PLIN1: variants seen among roughly 807,000 people sequenced by gnomAD.
PLIN1 encodes the protein perilipin 1, also known as perilipin-1.
Under a neutral mutation model 45.8 loss-of-function variants are expected in PLIN1, and 37 were observed. The observed-to-expected ratio is 0.81, with a 90% confidence interval of 0.62 to 1.06. PLIN1 has a LOEUF of 1.06. PLIN1 is among the 50% of genes least tolerant of loss of function. The pLI is 0.00. For missense variants in PLIN1, 776 were observed against 716.5 expected, an observed-to-expected ratio of 1.08 and a Z score of -0.95; for synonymous variants, 340 against 309.2, an observed-to-expected ratio of 1.10 and a Z score of -1.05.
In PLIN1 at chr15:89,667,911, C is replaced by T. The variant is rs570816249; in HGVS notation, c.772-118G>A. The T allele has an allele frequency of 2.0e-3, 2,872 of 1,464,594 alleles. 5 individuals carry two copies. Among genetic ancestry groups the T allele is most frequent in the Non-Finnish European group, 2.4e-3 (2,660 of 1,107,496 alleles). 90.7% of individuals were successfully genotyped at this position (1,464,594 alleles called of 1,614,324 possible). On this transcript the variant is annotated intron_variant, in intron 6 of 8. Transcript: ENST00000300055. The stretch of plus-strand genomic sequence containing the variant: ...GGCCAGGTGGTGAGCAGGGCTCAGC[C>T]CCAGCAGACTTTTCTGGAAACTTTT...
chr15:89,669,980 C>A lies in PLIN1; in HGVS notation c.598G>T (p.Ala200Ser), dbSNP rs1964411978. 3 of 1,610,250 alleles carry A rather than the reference C, an allele frequency of 1.9e-6. No homozygotes were observed. The highest frequency in any genetic ancestry group is 2.2e-5 in the East Asian group (1 of 44,806). ...GGCCGAGCCTCCGAATGGCAGGTAC[C>A]TGACTCTTCCTTGTCTGGAGGGAGG... ...YLLPPDKEES[A>S]PAPGHQQAQK... Residue 200 changes from alanine to serine, a missense_variant and splice_region_variant, in exon 5 of 9, where the codon GCC becomes TCC. Transcript: ENST00000300055.
At chr15:89,677,777 T>C (rs12906281) in intron 1 of PLIN1, 2 of 425,304 alleles carry the variant, frequency 4.7e-6, no homozygotes. Context: ...TTGAGATGGA[T>C]TCTTGCTCTG....
intron 1 of PLIN1, among the ~76,000 whole-genome samples, chr15:89,678,225 A>C (rs1964548740): frequency 6.6e-6 from 1 of 151,854 alleles, no homozygotes; most frequent in South Asian, 2.1e-4. Flanking sequence ...GTTCAGGTTA[A>C]GAGGCCAGGC....
Position 89,670,246 on chromosome 15 carries a change from TG to T in PLIN1, c.334-3del. 3 of 1,609,244 alleles carry T rather than the reference TG, an allele frequency of 1.9e-6. No homozygotes were observed. The highest frequency in any genetic ancestry group is 1.7e-4 in the Middle Eastern group (1 of 6,048). The stretch of plus-strand genomic sequence containing the variant: ...GGTGTCCTTCAGCTCAGAAGCAATC[TG>T]GGGGAAGTTGGTGGGGGTGTTAGGC... On this transcript the variant is annotated splice_polypyrimidine_tract_variant and splice_region_variant and intron_variant, in intron 4 of 8. Transcript: ENST00000300055.
rs143954379 is a variant in PLIN1 at position 89,670,164 on chromosome 15, A to G, written c.414T>C (p.Thr138=). ...AAGCGGCCCCCAGGACCTTGTCTGAAGTGCTCGCGATGGGAACGCTGATGC... is the reference window on the plus strand; with the variant it reads ...AAGCGGCCCCCAGGACCTTGTCTGAGGTGCTCGCGATGGGAACGCTGATGC... ...RNSISVPIAS[T]SDKVLGAALA... The change falls in exon 5 of 9, where the codon ACT becomes ACC. Residue 138 remains threonine, a synonymous_variant. Coordinates refer to ENST00000300055, the MANE Select transcript of PLIN1 (RefSeq NM_002666.5). 1.2e-6 allele frequency: 2 copies of G among 1,613,972 alleles called. No homozygotes were observed. The highest frequency in any genetic ancestry group is 2.7e-5 in the African/African-American group (2 of 74,932).
At chr15:89,675,422 C>CAA (rs71151523) in intron 2 of PLIN1, among the ~76,000 whole-genome samples, 863 of 62,134 alleles carry the variant, frequency 0.014, 1 homozygote, top group East Asian at 0.016. Flanking sequence ...CTCTGAGCCA[C>CAA]AAAAAAAAAA....
chr15:89,667,028 C>A lies in PLIN1; in HGVS notation c.1117G>T (p.Val373Phe), dbSNP rs750759829. Residue 373 changes from valine to phenylalanine, a missense_variant, in exon 8 of 9, where the codon GTC becomes TTC. Coordinates refer to ENST00000300055, the MANE Select transcript of PLIN1 (RefSeq NM_002666.5). ...RVLHLTPAPA[V>F]SSTKGRAMSL... ...ATGGCCCTCCCCTTGGTTGAGGAGA[C>A]AGCAGGGGCTGGTGTGAGGTGCAGC... 1.9e-6 allele frequency: 3 copies of A among 1,614,020 alleles called. No individual in the cohort carries two copies. The East Asian group carries it at 6.7e-5, about 36-fold the overall frequency.
At chr15:89,671,247 G>T (rs577100291) in intron 4 of PLIN1, among the ~76,000 whole-genome samples, 1 of 152,250 alleles carries the variant, frequency 6.6e-6, no homozygotes, top group Non-Finnish European at 1.5e-5. Flanking sequence ...TCCTGTTTGG[G>T]TTTGCCTCTG....
chr15:89,677,401 C>A lies in PLIN1; in HGVS notation c.45+44G>T, dbSNP rs368824496. 1.1e-5 allele frequency: 16 copies of A among 1,507,982 alleles called. No homozygotes were observed. In the African/African-American group the frequency reaches 1.6e-4, roughly 16 times the overall value. The allele number at this position is 1,507,982 out of a possible 1,614,324, so 93.4% of individuals were successfully genotyped here. A position where few individuals can be genotyped will look rare whatever the true frequency, so the allele number is the denominator to read the frequency against. ...TCCCCTCCCTGCTTCTTCCTCCTCC[C>A]TCAGTTGTCCATCCCCTGTCACAGA... On this transcript the variant is annotated intron_variant, in intron 2 of 8. Transcript: ENST00000300055.
Position 89,665,562 on chromosome 15 carries a change from CGCGGCGGCTGGT to C in PLIN1, c.*9_*20del. On this transcript the variant is annotated 3_prime_UTR_variant, in exon 9 of 9. Transcript: ENST00000300055. ...GTTAGAGAAACCCGCCGGCCCGGGG[CGCGGCGGCTGGT>C]GCGGCGACTCAGCTCTTCTTGCGCA... 1 of 1,522,970 alleles carries C rather than the reference CGCGGCGGCTGGT, an allele frequency of 6.6e-7. No individual in the cohort carries two copies. The highest frequency in any genetic ancestry group is 8.8e-7 in the Non-Finnish European group (1 of 1,137,226). 94.3% of individuals were successfully genotyped at this position (1,522,970 alleles called of 1,614,324 possible).
rs754284928 is a variant in PLIN1 at position 89,673,409 on chromosome 15, CTGCTCCTGG to C, written c.46-4_50del. 30 of 1,597,826 alleles carry C rather than the reference CTGCTCCTGG, an allele frequency of 1.9e-5. No homozygotes were observed. The highest frequency in any genetic ancestry group is 2.5e-5 in the Non-Finnish European group (29 of 1,171,944). ...GCAGGACCCGCTGCAGCACATTCTCCTGCTCCTGGTGCGGAAGGAACACATTCAAGTTGT... is the reference window on the plus strand; with the variant it reads ...GCAGGACCCGCTGCAGCACATTCTCCTGCGGAAGGAACACATTCAAGTTGT... On this transcript the variant is annotated splice_acceptor_variant and splice_polypyrimidine_tract_variant and coding_sequence_variant and intron_variant, in exon 3 of 9. Transcript: ENST00000300055. LOFTEE classifies it high-confidence loss of function.
rs1964359982 is a variant in PLIN1, at chr15:89,667,147, C to G, written c.998G>C (p.Gly333Ala). 1 of 1,613,832 alleles carries G rather than the reference C, an allele frequency of 6.2e-7. No individual in the cohort carries two copies. Among genetic ancestry groups the G allele is most frequent in the South Asian group, 1.1e-5 (1 of 91,076 alleles). The change falls in exon 8 of 9, where the codon GGT becomes GCT. Residue 333 changes from glycine to alanine, a missense_variant. Transcript: ENST00000300055. ...CTTCTGCAGGGTATGTGCCACACCA[C>G]CCAGGAGGCCTCGAGGGCCTGGCAG... ...AALPGPRGLL[G>A]GVAHTLQKTL... is the part of the protein sequence containing the mutation.
rs2141523426 is a variant in PLIN1, at chr15:89,665,800, T to C, written c.1352A>G (p.Gln451Arg). 3.0e-6 allele frequency: 4 copies of C among 1,327,296 alleles called. No homozygotes were observed. The highest frequency in any genetic ancestry group is 3.2e-5 in the East Asian group (1 of 31,236). The allele number at this position is 1,327,296 out of a possible 1,614,324, so 82.2% of individuals were successfully genotyped here. Reference protein sequence around the residue: ...AGPEPAPRLAQPRRSLRSAQS... With the variant: ...AGPEPAPRLARPRRSLRSAQS... ...CGCGCTGCGCAGGCTGCGGCGGGGC[T>C]GTGCGAGACGCGGGGCGGGCTCCGG... The change falls in exon 9 of 9, where the codon CAG becomes CGG. Residue 451 changes from glutamine to arginine, a missense_variant. By Grantham distance (43) the Gln-to-Arg change is conservative. Coordinates refer to ENST00000300055, the MANE Select transcript of PLIN1 (RefSeq NM_002666.5).
chr15:89,678,491 C>G (rs961357673), intron 1 of PLIN1, among the ~76,000 whole-genome samples: 7 of 150,022 alleles, frequency 4.7e-5, no homozygotes, highest in Admixed American at 1.3e-4. Context: ...GCCTGGGTGA[C>G]AGAGGGAGAC....
At chr15:89,676,655 G>A (rs1964524205) in intron 2 of PLIN1, 1 of 152,210 alleles carries the variant, frequency 6.6e-6, no homozygotes, top group Non-Finnish European at 1.5e-5. Flanking sequence ...AGGCTTCAGA[G>A]GTTGTTTTAC....
At chr15:89,671,645 A>ACTTC in intron 3 of PLIN1, 81 bp from the exon 4 acceptor site, 1 of 1,056,322 alleles carries the variant, frequency 9.5e-7, no homozygotes, top group Non-Finnish European at 1.4e-6. Flanking sequence ...CAAGGAAGTG[A>ACTTC]CTTGGAGCCC....
chr15:89,677,536 C>T (rs764029359), intron 1 of PLIN1, 33 bp from the exon 2 acceptor site: 2 of 1,596,918 alleles, frequency 1.3e-6, no homozygotes, highest in South Asian at 1.1e-5. Flanking sequence ...CCATCAGAAG[C>T]CCTCAGGCTT....
rs760202809 is a variant in PLIN1, at chr15:89,667,774, C to T, written c.791G>A (p.Gly264Asp). The T allele has an allele frequency of 1.7e-5, 27 of 1,559,272 alleles. No individual in the cohort carries two copies. Among genetic ancestry groups the T allele is most frequent in the Non-Finnish European group, 2.3e-5 (27 of 1,152,012 alleles). The stretch of plus-strand genomic sequence containing the variant: ...CACCGCCTGCATGGCCACTGAGGCA[C>T]CCCACTGGGCCAGGCTGCTCTGAGG... ...VVPLSSLAQW[G>D]ASVAMQAVSR... The change falls in exon 7 of 9, where the codon GGT becomes GAT. Residue 264 changes from glycine (G) to aspartate (D), a missense_variant. Gly to Asp is a moderately conservative substitution (Grantham distance 94). Coordinates refer to ENST00000300055, the MANE Select transcript of PLIN1 (RefSeq NM_002666.5).
intron 7 of PLIN1, 135 bp from the exon 8 acceptor site, chr15:89,667,316 G>A (rs1192927761): frequency 4.1e-6 from 5 of 1,206,290 alleles, no homozygotes; most frequent in African/African-American, 3.0e-5. Flanking sequence ...GCCACTAGCA[G>A]TGTGGCCTTG....
Sources: gnomAD v4.1 joint callset for allele counts (sites outside exome capture counted in the v4.1 genomes callset) on GRCh38, gnomAD v4.1.1 for gene constraint, MANE v1.5 for transcripts, NCBI Gene and HGNC (gene_info 2026-07-23, HGNC 2026-07-21) for gene names.